BCAP29: variants seen among roughly 807,000 people sequenced by gnomAD.
The protein encoded by BCAP29 is B-cell receptor-associated protein 29.
In BCAP29, 34 loss-of-function variants were observed where a neutral mutation model predicts 31.8. The ratio of observed to expected loss-of-function variants is 1.07; its 90% CI spans 0.81 to 1.42. The LOEUF (loss-of-function observed/expected upper bound fraction) is 1.42, where lower values mean the gene tolerates loss of function less well. BCAP29 is among the 40% of genes most tolerant of loss of function. The pLI, the probability that BCAP29 is intolerant of heterozygous loss-of-function variation, is 0.00. For missense variants in BCAP29, 314 were observed against 269.2 expected, an observed-to-expected ratio of 1.17 and a Z score of -1.16; for synonymous variants, 104 against 91.3, an observed-to-expected ratio of 1.14 and a Z score of -0.79.
upstream of BCAP29, chr7:107,580,177 G>A (rs1048947153): frequency 2.6e-5 from 4 of 152,062 alleles, no homozygotes; most frequent in African/African-American, 7.2e-5. Context: ...ACCCGCGGGC[G>A]GGAGCCTGCG....
chr7:107,597,798 C>T (rs926381448), intron 5 of BCAP29, among the ~76,000 whole-genome samples: 3 of 152,198 alleles, frequency 2.0e-5, no homozygotes, highest in Admixed American at 1.3e-4. Context: ...AGAACAATTT[C>T]CACGTGGTAC....
At chr7:107,616,429 A>G (rs1038247198) in intron 7 of BCAP29, 3 of 152,084 alleles carry the variant, frequency 2.0e-5, no homozygotes, top group African/African-American at 4.8e-5. Flanking sequence ...CCAATTTCCC[A>G]TAATATCTCT....
At chr7:107,621,795 C>T (rs1274422852), downstream of BCAP29, 2 of 484,870 alleles carry the variant, frequency 4.1e-6, no homozygotes, top group Admixed American at 2.3e-5. Flanking sequence ...GAGCATGGCC[C>T]TACAGATACC....
At position 107,600,514 on chromosome 7, in the gene BCAP29, G is replaced by T; in HGVS notation, c.589+9G>T. On this transcript the variant is annotated intron_variant, in intron 6 of 7. Transcript: ENST00000005259. The stretch of plus-strand genomic sequence containing the variant: ...AAGGAAGACTTCAGATGGTAACTTT[G>T]TGTACATGTGAAAAAGTAAAAAGAC... The T allele has an allele frequency of 6.6e-7, 1 of 1,505,718 alleles. No individual in the cohort carries two copies. The highest frequency in any genetic ancestry group is 1.4e-5 in the African/African-American group (1 of 72,092). The allele number at this position is 1,505,718 out of a possible 1,614,324, so 93.3% of individuals were successfully genotyped here.
At chr7:107,590,877 G>A (rs1233674233) in intron 3 of BCAP29, among the ~76,000 whole-genome samples, 2 of 150,432 alleles carry the variant, frequency 1.3e-5, no homozygotes, top group Non-Finnish European at 3.0e-5. Context: ...GTATCTACAA[G>A]AAAGTTATTA....
At chr7:107,580,053 C>G (rs550454920), upstream of BCAP29, 1 of 152,432 alleles carries the variant, frequency 6.6e-6, no homozygotes, top group South Asian at 2.1e-4. Context: ...AAGTTGCGCT[C>G]CGACCTCCAA....
At position 107,619,056 on chromosome 7, in the gene BCAP29, A is replaced by G. The variant is rs1211927599; in HGVS notation, c.*693A>G. ...TCAAGTTAATCTAGTAATAGAGCTT[A>G]CATATATTTGTATAACTGCTATACC... On this transcript the variant is annotated 3_prime_UTR_variant, in exon 8 of 8. Coordinates refer to ENST00000005259, the MANE Select transcript of BCAP29 (RefSeq NM_018844.4). The G allele has an allele frequency of 1.3e-5, 2 of 153,036 alleles. No homozygotes were observed. Among genetic ancestry groups the G allele is most frequent in the East Asian group, 3.8e-4 (2 of 5,220 alleles). The allele number at this position is 153,036 out of a possible 1,614,324, so 9.5% of individuals were successfully genotyped here. A position where few individuals can be genotyped will look rare whatever the true frequency, so the allele number is the denominator to read the frequency against.
intron 6 of BCAP29, 38 bp downstream of exon 6, chr7:107,600,543 C>T (rs1319208719): frequency 7.8e-7 from 1 of 1,281,172 alleles, no homozygotes; most frequent in Non-Finnish European, 1.1e-6. Context: ...AAAAGACTAG[C>T]ATGATATTTT....
downstream of BCAP29, chr7:107,620,929 G>A (rs190265502): frequency 6.6e-6 from 1 of 152,364 alleles, no homozygotes; most frequent in Admixed American, 6.5e-5. Context: ...AGCCTGCCTG[G>A]ATCTCTAAAT....
chr7:107,600,227 T>A (rs1040820036), intron 5 of BCAP29, 170 bp from the exon 6 acceptor site: 27 of 649,606 alleles, frequency 4.2e-5, no homozygotes, highest in Non-Finnish European at 6.7e-5. Context: ...TTCCCAAATA[T>A]TAAGTTTCTG....
At chr7:107,594,739 T>C (rs1449730719) in intron 4 of BCAP29, among the ~76,000 whole-genome samples, 1 of 152,098 alleles carries the variant, frequency 6.6e-6, no homozygotes, top group Non-Finnish European at 1.5e-5. Context: ...CCTGACCTCA[T>C]GATCCTCCCG....
At chr7:107,593,143 G>A (rs1809182173) in intron 3 of BCAP29, among the ~76,000 whole-genome samples, 1 of 152,166 alleles carries the variant, frequency 6.6e-6, no homozygotes, top group Non-Finnish European at 1.5e-5. Flanking sequence ...TCCTTGTGTG[G>A]CAATAACTCT....
At chr7:107,608,364 C>G (rs959596161) in intron 6 of BCAP29, among the ~76,000 whole-genome samples, 10 of 152,058 alleles carry the variant, frequency 6.6e-5, no homozygotes, top group South Asian at 2.1e-4. Flanking sequence ...TAATTTAATA[C>G]TACTTTAGTT....
At chr7:107,592,889 A>G (rs1348146873) in intron 3 of BCAP29, among the ~76,000 whole-genome samples, 2 of 152,234 alleles carry the variant, frequency 1.3e-5, no homozygotes, top group African/African-American at 4.8e-5. Context: ...GTAGTTCTGT[A>G]GAGACAGAAA....
At chr7:107,591,633 T>TACACACATACACACACACACACACACAC (rs1808797081) in intron 3 of BCAP29, among the ~76,000 whole-genome samples, 2 of 20,418 alleles carry the variant, frequency 9.8e-5, no homozygotes, top group Non-Finnish European at 1.8e-4. Context: ...CTTTTCCCCA[T>TACACACATACACACACACACACACACAC]ACACACATAC....
In BCAP29 at chr7:107,610,788, G is replaced by C. The variant is rs547738313; in HGVS notation, c.590-2544G>C. On this transcript the variant is annotated intron_variant, in intron 6 of 7. Coordinates refer to ENST00000005259, the MANE Select transcript of BCAP29 (RefSeq NM_018844.4). The stretch of plus-strand genomic sequence containing the variant: ...TGGTTTTCTAGCTTCTTTTAAAAAG[G>C]AACTACTGGGTTGATATCTAAGATA... Among the ~76,000 whole-genome samples the C allele has an allele frequency of 5.3e-5, 8 of 152,172 alleles. No homozygotes were observed. The South Asian group carries it at 1.7e-3, about 32-fold the overall frequency.
At chr7:107,612,391 T>TTTTATA (rs1430473654) in intron 6 of BCAP29, among the ~76,000 whole-genome samples, 6 of 30,876 alleles carry the variant, frequency 1.9e-4, no homozygotes, top group African/African-American at 7.6e-4. Flanking sequence ...ATGTATTGTT[T>TTTTATA]TATATATATA....
intron 5 of BCAP29, among the ~76,000 whole-genome samples, chr7:107,598,002 T>A (rs3801948): frequency 0.74 from 111,942 of 152,070 alleles, 41,364 homozygotes; most frequent in South Asian, 0.84. Context: ...TAGCTGGTAA[T>A]CATTAAATTT....
At chr7:107,600,364 G>A in intron 5 of BCAP29, 33 bp from the exon 6 acceptor site, 2 of 1,328,902 alleles carry the variant, frequency 1.5e-6, no homozygotes, top group Non-Finnish European at 2.2e-6. Context: ...TGCAATCTAA[G>A]CTTATTTCTT....
Sources: gnomAD v4.1 joint callset for allele counts (sites outside exome capture counted in the v4.1 genomes callset) on GRCh38, gnomAD v4.1.1 for gene constraint, MANE v1.5 for transcripts, NCBI Gene and HGNC (gene_info 2026-07-23, HGNC 2026-07-21) for gene names.